The following CPLX2 variants were observed in gnomAD, a reference collection of about 807,000 sequenced individuals.
The protein encoded by CPLX2 is complexin 2.
A neutral mutation model predicts 16.3 loss-of-function variants in CPLX2; 5 were observed. The observed-to-expected ratio is 0.31, with a 90% confidence interval of 0.16 to 0.64. The LOEUF (loss-of-function observed/expected upper bound fraction) is 0.64. Ranked by LOEUF, CPLX2 falls within the 30% of genes least tolerant of loss-of-function variation. CPLX2 has a pLI of 0.79. For missense variants in CPLX2, 144 were observed against 181.4 expected (o/e 0.79, Z 1.18); for synonymous variants, 89 against 73.2 (o/e 1.22, Z -1.10).
chr5:175,869,972 T>C (rs912219667), upstream of CPLX2, among the ~76,000 whole-genome samples: 2 of 152,170 alleles, frequency 1.3e-5, no homozygotes, highest in African/African-American at 4.8e-5. Flanking sequence ...TTGAAGCACA[T>C]GAAGAAAGAG....
chr5:175,837,330 G>A (rs989395545), intron 2 of CPLX2, among the ~76,000 whole-genome samples: 4 of 152,158 alleles, frequency 2.6e-5, no homozygotes, highest in African/African-American at 4.8e-5. Context: ...AAACCTTCCC[G>A]CCCTCCCCTC....
chr5:175,846,500 G>A (rs866076814), intron 2 of CPLX2, among the ~76,000 whole-genome samples: 143 of 152,250 alleles, frequency 9.4e-4, no homozygotes, highest in African/African-American at 3.1e-3. Flanking sequence ...AAGATTTTTT[G>A]GGATGCTGGA....
Position 175,859,020 on chromosome 5 carries a change from C to T in CPLX2, c.-88-19632C>T, listed in dbSNP as rs147016647. Among the ~76,000 whole-genome samples, 299 of 152,332 alleles carry T rather than the reference C, an allele frequency of 2.0e-3. 8 individuals are homozygous for T. The East Asian group carries it at 0.049, about 25-fold the overall frequency. ...CACGTGATCTGATGGCATCACAAGA[C>T]GATGGAGCCTCCATGAGCCTCACCA... On this transcript the variant is annotated intron_variant, in intron 2 of 4. Coordinates refer to the CPLX2 transcript ENST00000359546.
chr5:175,870,053 T>C (rs951148084), upstream of CPLX2, among the ~76,000 whole-genome samples: 13 of 152,170 alleles, frequency 8.5e-5, no homozygotes, highest in African/African-American at 3.1e-4. Flanking sequence ...CCCTCAGGCA[T>C]TAGTGGAAAG....
intron 1 of CPLX2, among the ~76,000 whole-genome samples, chr5:175,799,539 CATATATATATATATATAT>C (rs70988299): frequency 3.6e-4 from 26 of 72,262 alleles, no homozygotes; most frequent in Admixed American, 6.4e-4. Context: ...TTGCAAATTT[CATATATATATATATATAT>C]ATATATATAT....
intron 1 of CPLX2, among the ~76,000 whole-genome samples, chr5:175,799,539 C>CATATATATATTTATATATATTTATATAT (rs1227041477): frequency 1.5e-4 from 11 of 72,264 alleles, no homozygotes; most frequent in South Asian, 5.0e-4. Flanking sequence ...TTGCAAATTT[C>CATATATATATTTATATATATTTATATAT]ATATATATAT....
At position 175,830,966 on chromosome 5, in the gene CPLX2, A is replaced by T. The variant is rs1439625982; in HGVS notation, c.-89+21898A>T. ...GTGCTCACACAGTTGTGTCAGTGCG[A>T]TTGTGAGCATGGCTGGGGGTGCGCG... On this transcript the variant is annotated intron_variant, in intron 2 of 4. Transcript: ENST00000359546. The surrounding 1 kb of genome is among the most constrained non-coding windows in gnomAD (Gnocchi z 4.0). Among the ~76,000 whole-genome samples the T allele has an allele frequency of 1.3e-5, 2 of 152,150 alleles. No individual in the cohort carries two copies. The highest frequency in any genetic ancestry group is 2.9e-5 in the Non-Finnish European group (2 of 68,026).
intron 2 of CPLX2, among the ~76,000 whole-genome samples, chr5:175,827,757 C>CAATAAATA (rs570632804): frequency 1.3e-5 from 2 of 152,008 alleles, no homozygotes; most frequent in South Asian, 2.1e-4. Context: ...GACTCCGTCT[C>CAATAAATA]AATAAATAAA....
At chr5:175,821,435 T>G (rs1366118275) in intron 2 of CPLX2, among the ~76,000 whole-genome samples, 1 of 152,168 alleles carries the variant, frequency 6.6e-6, no homozygotes, top group East Asian at 1.9e-4. Flanking sequence ...GAAATGGAGT[T>G]TCGCTGTCGT....
intron 2 of CPLX2, among the ~76,000 whole-genome samples, chr5:175,827,171 T>C (rs187199667): frequency 6.6e-6 from 1 of 152,228 alleles, no homozygotes; most frequent in Non-Finnish European, 1.5e-5. Context: ...CCTGCACCAA[T>C]CACTCTAGCC....
Position 175,818,965 on chromosome 5 carries a change from G to A in CPLX2, c.-89+9897G>A, listed in dbSNP as rs187275550. ...GGCGTGAGCCACCGCGCCCGGCCCCGACTTCTAATTTCATAGATTCATTGG... is the reference window on the plus strand; with the variant it reads ...GGCGTGAGCCACCGCGCCCGGCCCCAACTTCTAATTTCATAGATTCATTGG... On this transcript the variant is annotated intron_variant, in intron 2 of 4. Transcript: ENST00000359546. 3.5e-3 allele frequency among the ~76,000 whole-genome samples: 536 copies of A among 152,100 alleles called. 5 individuals carry two copies. Among genetic ancestry groups the A allele is most frequent in the South Asian group, 0.017 (84 of 4,816 alleles).
intron 2 of CPLX2, among the ~76,000 whole-genome samples, chr5:175,814,344 G>T (rs1758366504): frequency 6.6e-6 from 1 of 152,238 alleles, no homozygotes; most frequent in Non-Finnish European, 1.5e-5. Flanking sequence ...CAGCAGCCTG[G>T]CCAGCAGTCA....
chr5:175,868,671 C>T (rs566344786), upstream of CPLX2, among the ~76,000 whole-genome samples: 57 of 151,236 alleles, frequency 3.8e-4, no homozygotes, highest in Middle Eastern at 3.4e-3. Context: ...ATGAGGACCC[C>T]GATCTGGGTG....
At chr5:175,838,434 A>C (rs1322391731) in intron 2 of CPLX2, among the ~76,000 whole-genome samples, 1 of 151,714 alleles carries the variant, frequency 6.6e-6, no homozygotes. Context: ...AGCCCGGCTA[A>C]TTTTTTTGTA....
Position 175,883,432 on chromosome 5 carries a change from A to AG in CPLX2, c.*3388dup, listed in dbSNP as rs1329444396. On this transcript the variant is annotated 3_prime_UTR_variant, in exon 4 of 4. Coordinates refer to ENST00000393745, the MANE Select transcript of CPLX2 (RefSeq NM_001008220.2). ...GAGAGAGAGAGAACAGGGAGGATAC[A>AG]GAAGTATTGCAGCCCAGATCCCCTA... The AG allele has an allele frequency of 6.6e-6, 1 of 152,396 alleles. No individual in the cohort carries two copies. The highest frequency in any genetic ancestry group is 2.4e-5 in the African/African-American group (1 of 41,450). The allele number at this position is 152,396 out of a possible 1,614,324, so 9.4% of individuals were successfully genotyped here.
At chr5:175,860,565 AGAAG>A (rs1759351113) in intron 2 of CPLX2, among the ~76,000 whole-genome samples, 1 of 104,940 alleles carries the variant, frequency 9.5e-6, no homozygotes, top group East Asian at 3.2e-4. Context: ...AGAAAGAAAA[AGAAG>A]GGAGGGAGGG....
chr5:175,828,136 C>T (rs1005254171), intron 2 of CPLX2, among the ~76,000 whole-genome samples: 1 of 152,202 alleles, frequency 6.6e-6, no homozygotes, highest in Non-Finnish European at 1.5e-5. Flanking sequence ...ACTTCTGAGT[C>T]AATTTTGTCT....
At chr5:175,843,783 G>A (rs1330954707) in intron 2 of CPLX2, among the ~76,000 whole-genome samples, 1 of 152,208 alleles carries the variant, frequency 6.6e-6, no homozygotes, top group Admixed American at 6.5e-5. Context: ...TCTCACCTGG[G>A]TTCCTCCAAC....
chr5:175,862,098 G>A (rs75821004), intron 2 of CPLX2, among the ~76,000 whole-genome samples: 7,895 of 152,288 alleles, frequency 0.052, 709 homozygotes, highest in African/African-American at 0.18. Context: ...CTCAAGCAGT[G>A]CCCACTTCTC....
Sources: gnomAD v4.1 joint callset for allele counts (sites outside exome capture counted in the v4.1 genomes callset) on GRCh38, gnomAD v4.1.1 for gene constraint, Gnocchi (gnomAD v3.1) non-coding constraint, MANE v1.5 for transcripts, NCBI Gene and HGNC (gene_info 2026-07-23, HGNC 2026-07-21) for gene names.